VANGL2: variants seen among roughly 807,000 people sequenced by gnomAD.
VANGL2 encodes vang-like protein 2.
VANGL2 carries 14 observed loss-of-function variants against 50.2 expected under a neutral mutation model. The observed-to-expected ratio is 0.28, with a 90% CI of 0.18 to 0.44. The LOEUF (loss-of-function observed/expected upper bound fraction) is 0.44, where lower values mean the gene tolerates loss of function less well. Ranked by LOEUF, VANGL2 falls within the 20% of genes least tolerant of loss-of-function variation. The pLI is 1.00. For missense variants in VANGL2, 533 were observed against 701.5 expected, an observed-to-expected ratio of 0.76 and a Z score of 2.71; for synonymous variants, 295 against 297.2, an observed-to-expected ratio of 0.99 and a Z score of 0.08.
chr1:160,416,193 G>T lies in VANGL2; in HGVS notation c.192+11G>T. Reference sequence around the variant, plus strand: ...CGAGGGGATGAGCGGGTGAGCACTGGGGATGCGGTGGTCCAGACCGGGCAT... The same window carrying T: ...CGAGGGGATGAGCGGGTGAGCACTGTGGATGCGGTGGTCCAGACCGGGCAT... On this transcript the variant is annotated intron_variant, in intron 3 of 7. Coordinates refer to ENST00000368061, the MANE Select transcript of VANGL2 (RefSeq NM_020335.3). 6.2e-7 allele frequency: 1 copy of T among 1,614,114 alleles called. No homozygotes were observed. Among genetic ancestry groups the T allele is most frequent in the Non-Finnish European group, 8.5e-7 (1 of 1,180,004 alleles).
chr1:160,421,398 A>G (rs1462119986), intron 6 of VANGL2, among the ~76,000 whole-genome samples: 1 of 152,228 alleles, frequency 6.6e-6, no homozygotes, highest in East Asian at 1.9e-4. Flanking sequence ...TCCATGGGTC[A>G]GGTGCAGGCT....
chr1:160,410,272 C>G lies in VANGL2; in HGVS notation c.-190-5376C>G, dbSNP rs188265057. Among the ~76,000 whole-genome samples, 4 of 152,292 alleles carry G rather than the reference C, an allele frequency of 2.6e-5. No individual in the cohort carries two copies. The East Asian group carries it at 7.7e-4, about 29-fold the overall frequency. ...AATCAAACCCAAGCACCCTTCTCAG[C>G]TGCTTCCAGCCCTGTCCTCGGTGGA... On this transcript the variant is annotated intron_variant, in intron 1 of 7. Coordinates refer to ENST00000368061, the MANE Select transcript of VANGL2 (RefSeq NM_020335.3).
chr1:160,419,036 C>T lies in VANGL2; in HGVS notation c.227C>T (p.Thr76Met). 1.9e-6 allele frequency: 3 copies of T among 1,609,968 alleles called. No individual in the cohort carries two copies. The highest frequency in any genetic ancestry group is 1.7e-6 in the Non-Finnish European group (2 of 1,176,820). The stretch of plus-strand genomic sequence containing the variant: ...TGGGGGGAAACGACGACAGTAGTAA[C>T]GGGCACCTCAGAGCACAGCATCTCC... Reference protein sequence around the residue: ...DNWGETTTVVTGTSEHSISHD... With the variant: ...DNWGETTTVVMGTSEHSISHD... Residue 76 changes from threonine to methionine, a missense_variant, in exon 4 of 8, where the codon ACG becomes ATG. Transcript: ENST00000368061. The surrounding 1 kb of genome is among the most constrained non-coding windows in gnomAD (Gnocchi z 5.8).
intron 3 of VANGL2, among the ~76,000 whole-genome samples, chr1:160,418,326 A>T (rs890535856): frequency 1.3e-5 from 2 of 152,118 alleles, no homozygotes; most frequent in African/African-American, 4.8e-5. Flanking sequence ...CGCCTTTCTA[A>T]CAAGCTCCCA....
chr1:160,422,187 C>A (rs539983800), intron 6 of VANGL2, among the ~76,000 whole-genome samples: 4 of 152,298 alleles, frequency 2.6e-5, no homozygotes, highest in Admixed American at 1.3e-4. Context: ...GGCTGGCATC[C>A]CCTGTAGTAG....
rs1430822467 is a variant in VANGL2, at chr1:160,416,101, G to T, written c.111G>T (p.Gly37=). 1.2e-6 allele frequency: 2 copies of T among 1,614,118 alleles called. No individual in the cohort carries two copies. The highest frequency in any genetic ancestry group is 1.7e-6 in the Non-Finnish European group (2 of 1,180,048). ...RDRHRSKSRD[G]GRGDKSVTIQ... ...GACACCGCTCTAAGAGTCGAGATGG[G>T]GGCCGAGGGGACAAGTCGGTGACAA... Residue 37 remains glycine, a synonymous_variant, in exon 3 of 8, where the codon GGG becomes GGT. Transcript: ENST00000368061.
intron 3 of VANGL2, among the ~76,000 whole-genome samples, chr1:160,417,543 A>C (rs1055232426): frequency 6.6e-6 from 1 of 152,228 alleles, no homozygotes; most frequent in African/African-American, 2.4e-5. Flanking sequence ...GTGGCCTTGC[A>C]GACCAGAGAC....
intron 1 of VANGL2, among the ~76,000 whole-genome samples, chr1:160,401,643 G>C (rs1437455714): frequency 6.6e-6 from 1 of 152,088 alleles, no homozygotes; most frequent in African/African-American, 2.4e-5. Flanking sequence ...TTCTGTGCTT[G>C]AGTGTGTGTG....
intron 1 of VANGL2, among the ~76,000 whole-genome samples, chr1:160,402,117 A>C (rs922498470): frequency 1.3e-5 from 2 of 152,042 alleles, no homozygotes; most frequent in African/African-American, 4.8e-5. Flanking sequence ...TGTCTTATGA[A>C]GTGCCTGTTT....
At chr1:160,418,800 A>G (rs1461775931) in intron 3 of VANGL2, among the ~76,000 whole-genome samples, 1 of 152,192 alleles carries the variant, frequency 6.6e-6, no homozygotes, top group East Asian at 1.9e-4. Context: ...CCATCTGCAG[A>G]GGCCAGACTT....
At chr1:160,401,800 G>A (rs1650474174) in intron 1 of VANGL2, among the ~76,000 whole-genome samples, 1 of 152,050 alleles carries the variant, frequency 6.6e-6, no homozygotes, top group Admixed American at 6.5e-5. Context: ...GAAGGTGGGT[G>A]TGTAAGAGCA....
chr1:160,410,702 ACG>A (rs1650853128), intron 1 of VANGL2, among the ~76,000 whole-genome samples: 9 of 150,858 alleles, frequency 6.0e-5, no homozygotes, highest in South Asian at 2.1e-4. Flanking sequence ...ACACACACGC[ACG>A]CACGCACGCA....
intron 1 of VANGL2, among the ~76,000 whole-genome samples, chr1:160,413,100 G>C (rs1650938459): frequency 6.6e-6 from 1 of 152,172 alleles, no homozygotes; most frequent in Admixed American, 6.5e-5. Flanking sequence ...TTCTCAGAAA[G>C]TATCCCTGTG....
In VANGL2 at chr1:160,419,641, G is replaced by A. The variant is rs1401086680; in HGVS notation, c.800+32G>A. On this transcript the variant is annotated intron_variant, in intron 4 of 7. Transcript: ENST00000368061. The surrounding 1 kb of genome is among the most constrained non-coding windows in gnomAD (Gnocchi z 5.8). ...GCCCACGGCTGGAGAAGGGTTGGGA[G>A]GGAAAGGGCATGGGAGGATGTGGAG... The A allele has an allele frequency of 8.8e-6, 14 of 1,596,144 alleles. No individual in the cohort carries two copies. The highest frequency in any genetic ancestry group is 1.1e-5 in the Non-Finnish European group (13 of 1,179,158).
In VANGL2 at chr1:160,426,758, T is replaced by C. The variant is rs1651469536; in HGVS notation, c.*1380T>C. The stretch of plus-strand genomic sequence containing the variant: ...AGAGTAGAATTAGGAAGTACCCATA[T>C]ACATCCAGCCAGGATCCACATGGAG... On this transcript the variant is annotated 3_prime_UTR_variant, in exon 8 of 8. Coordinates refer to ENST00000368061, the MANE Select transcript of VANGL2 (RefSeq NM_020335.3). 6.6e-6 allele frequency: 1 copy of C among 152,330 alleles called. No homozygotes were observed. Among genetic ancestry groups the C allele is most frequent in the South Asian group, 2.1e-4 (1 of 4,832 alleles). The allele number at this position is 152,330 out of a possible 1,614,324, so 9.4% of individuals were successfully genotyped here.
chr1:160,410,923 G>A (rs1280816615), intron 1 of VANGL2, among the ~76,000 whole-genome samples: 2 of 151,996 alleles, frequency 1.3e-5, no homozygotes, highest in African/African-American at 4.8e-5. Context: ...ATGGGTTCCA[G>A]GACCCGGCTG....
chr1:160,421,573 A>G (rs1651276862), intron 6 of VANGL2, among the ~76,000 whole-genome samples: 1 of 152,202 alleles, frequency 6.6e-6, no homozygotes, highest in South Asian at 2.1e-4. Flanking sequence ...TCCAGCAGAA[A>G]CAGGTCTCTG....
intron 1 of VANGL2, among the ~76,000 whole-genome samples, chr1:160,413,636 A>G (rs1650961702): frequency 6.6e-6 from 1 of 152,004 alleles, no homozygotes; most frequent in African/African-American, 2.4e-5. Context: ...AACACTGTTA[A>G]ATTTCTGGCT....
chr1:160,419,711 G>T lies in VANGL2; in HGVS notation c.800+102G>T, dbSNP rs1350124359. 2.7e-6 allele frequency: 4 copies of T among 1,483,466 alleles called. No homozygotes were observed. The highest frequency in any genetic ancestry group is 4.7e-5 in the Admixed American group (2 of 42,890). The allele number at this position is 1,483,466 out of a possible 1,614,324, so 91.9% of individuals were successfully genotyped here. A position where few individuals can be genotyped will look rare whatever the true frequency, so the allele number is the denominator to read the frequency against. The stretch of plus-strand genomic sequence containing the variant: ...GTATGATGGTGGGCTGGAGGTGATG[G>T]GCTTGGAGGGTTGTGTGGGAGGGAG... On this transcript the variant is annotated intron_variant, in intron 4 of 7. Coordinates refer to ENST00000368061, the MANE Select transcript of VANGL2 (RefSeq NM_020335.3). This position sits in a 1 kb window ranked among gnomAD's most constrained non-coding sequence, Gnocchi z 5.8.
Sources: gnomAD v4.1 joint callset for allele counts (sites outside exome capture counted in the v4.1 genomes callset) on GRCh38, gnomAD v4.1.1 for gene constraint, Gnocchi (gnomAD v3.1) non-coding constraint, MANE v1.5 for transcripts, NCBI Gene and HGNC (gene_info 2026-07-23, HGNC 2026-07-21) for gene names.